The following PSMD1 variants were observed in gnomAD, a reference collection of about 807,000 sequenced individuals.
PSMD1 encodes 26S proteasome non-ATPase regulatory subunit 1.
In PSMD1, 18 loss-of-function variants were observed where a neutral mutation model predicts 119.0. The observed-to-expected ratio is 0.15, with a 90% CI of 0.10 to 0.22. The LOEUF (loss-of-function observed/expected upper bound fraction) is 0.22. Ranked by LOEUF, PSMD1 falls within the 10% of genes least tolerant of loss-of-function variation. The pLI is 1.00. For missense variants in PSMD1, 702 were observed against 1,158.5 expected, an observed-to-expected ratio of 0.61 and a Z score of 5.72; for synonymous variants, 374 against 396.6, an observed-to-expected ratio of 0.94 and a Z score of 0.68.
intron 16 of PSMD1, among the ~76,000 whole-genome samples, chr2:231,130,036 TAG>T (rs946119507): frequency 1.2e-4 from 18 of 152,232 alleles, no homozygotes; most frequent in African/African-American, 4.3e-4. Flanking sequence ...ATATTTTTAG[TAG>T]AGACGGGCTT....
chr2:231,106,849 A>G (rs891080892), intron 16 of PSMD1, among the ~76,000 whole-genome samples: 5 of 152,178 alleles, frequency 3.3e-5, no homozygotes, highest in African/African-American at 1.2e-4. Flanking sequence ...TTCCTGAAAC[A>G]ATTATGTATG....
intron 7 of PSMD1, among the ~76,000 whole-genome samples, chr2:231,075,231 CTG>C (rs1694132628): frequency 6.6e-6 from 1 of 152,124 alleles, no homozygotes; most frequent in African/African-American, 2.4e-5. Context: ...CTTTACCTGA[CTG>C]TGTTTTGTGA....
chr2:231,112,840 C>T (rs535229646), intron 16 of PSMD1, among the ~76,000 whole-genome samples: 2 of 152,230 alleles, frequency 1.3e-5, no homozygotes, highest in African/African-American at 4.8e-5. Flanking sequence ...GGTATGTTTT[C>T]TTTGCATCTC....
chr2:231,132,550 G>A (rs1324897655), intron 16 of PSMD1, among the ~76,000 whole-genome samples: 1 of 152,148 alleles, frequency 6.6e-6, no homozygotes, highest in Admixed American at 6.5e-5. Context: ...GCCAGTTTCT[G>A]GTTATGCATC....
At chr2:231,111,615 A>G (rs1695158795) in intron 16 of PSMD1, among the ~76,000 whole-genome samples, 1 of 152,184 alleles carries the variant, frequency 6.6e-6, no homozygotes, top group African/African-American at 2.4e-5. Flanking sequence ...AACTGAGCTT[A>G]TTGTCATCTG....
chr2:231,169,389 C>T (rs1696861173), intron 23 of PSMD1, among the ~76,000 whole-genome samples: 1 of 152,132 alleles, frequency 6.6e-6, no homozygotes, highest in Admixed American at 6.5e-5. Flanking sequence ...GACAGTGGCC[C>T]TATGCTCCAT....
chr2:231,170,443 T>C lies in PSMD1; in HGVS notation c.2716-123T>C. On this transcript the variant is annotated intron_variant, in intron 23 of 24. Coordinates refer to ENST00000308696, the MANE Select transcript of PSMD1 (RefSeq NM_002807.4). The surrounding 1 kb of genome is among the most constrained non-coding windows in gnomAD (Gnocchi z 4.1). ...TATCTTTATCCCAGTAAAGTTCTAC[T>C]CCAGTTTTTCACTTCCAAATCATTT... 1 of 1,057,398 alleles carries C rather than the reference T, an allele frequency of 9.5e-7. No homozygotes were observed. Among genetic ancestry groups the C allele is most frequent in the East Asian group, 2.6e-5 (1 of 38,254 alleles). 65.5% of individuals were successfully genotyped at this position (1,057,398 alleles called of 1,614,324 possible).
rs562248993 is a variant in PSMD1, at chr2:231,070,175, A to T, written c.654+7A>T. The T allele has an allele frequency of 4.3e-4, 661 of 1,522,714 alleles. 12 individuals are homozygous for T. The South Asian group carries it at 8.3e-3, about 19-fold the overall frequency. The allele number at this position is 1,522,714 out of a possible 1,614,324, so 94.3% of individuals were successfully genotyped here. A position where few individuals can be genotyped will look rare whatever the true frequency, so the allele number is the denominator to read the frequency against. On this transcript the variant is annotated splice_region_variant and intron_variant, in intron 6 of 24. Coordinates refer to ENST00000308696, the MANE Select transcript of PSMD1 (RefSeq NM_002807.4). The stretch of plus-strand genomic sequence containing the variant: ...TTTCATCAATGTTTGTCAGGTAATG[A>T]CATTAAATTATGTTTCATTACATTG...
intron 1 of PSMD1, 51 bp downstream of exon 1, chr2:231,057,092 G>C (rs781466572): frequency 1.9e-5 from 28 of 1,476,884 alleles, no homozygotes; most frequent in Middle Eastern, 4.9e-4. Flanking sequence ...CCGCCGCGCC[G>C]GCTTTTAGCT....
intron 11 of PSMD1, 55 bp from the exon 12 acceptor site, chr2:231,080,086 C>G: frequency 6.8e-7 from 1 of 1,472,100 alleles, no homozygotes; most frequent in South Asian, 1.3e-5. Flanking sequence ...AAAACATTGT[C>G]TTTTTTCTTC....
chr2:231,154,675 C>G (rs1696446867), intron 19 of PSMD1, among the ~76,000 whole-genome samples: 1 of 152,138 alleles, frequency 6.6e-6, no homozygotes, highest in Non-Finnish European at 1.5e-5. Context: ...CACTATGTTG[C>G]TCAGGCTTGT....
intron 16 of PSMD1, chr2:231,108,789 C>G (rs1405092357): frequency 1.2e-6 from 2 of 1,613,910 alleles, no homozygotes; most frequent in Admixed American, 3.3e-5. Flanking sequence ...ATATATCGGC[C>G]AAATGCATCC....
At chr2:231,086,324 T>TTC (rs1694439284) in intron 15 of PSMD1, among the ~76,000 whole-genome samples, 1 of 152,178 alleles carries the variant, frequency 6.6e-6, no homozygotes, top group African/African-American at 2.4e-5. Flanking sequence ...GGATTACAGG[T>TTC]GTGAGCCACT....
At chr2:231,137,737 T>A (rs1247460520) in intron 16 of PSMD1, among the ~76,000 whole-genome samples, 3 of 152,156 alleles carry the variant, frequency 2.0e-5, no homozygotes, top group African/African-American at 7.2e-5. Flanking sequence ...GCCTTCTTTA[T>A]GTCCATGAAT....
At chr2:231,092,384 A>G (rs1694617536) in intron 16 of PSMD1, among the ~76,000 whole-genome samples, 1 of 152,186 alleles carries the variant, frequency 6.6e-6, no homozygotes, top group Non-Finnish European at 1.5e-5. Context: ...CCATAAGGAA[A>G]ACATATGGAT....
At chr2:231,078,243 G>A (rs778739122) in intron 9 of PSMD1, among the ~76,000 whole-genome samples, 3 of 152,174 alleles carry the variant, frequency 2.0e-5, no homozygotes, top group Non-Finnish European at 2.9e-5. Flanking sequence ...ACTCCAGCCT[G>A]GGCAACCAAG....
intron 18 of PSMD1, among the ~76,000 whole-genome samples, chr2:231,150,729 A>C (rs1396132345): frequency 6.6e-6 from 1 of 152,170 alleles, no homozygotes; most frequent in Non-Finnish European, 1.5e-5. Context: ...TCCAAAATAC[A>C]TCTCACCTCA....
chr2:231,165,034 T>TATATATA (rs1696733488), intron 21 of PSMD1, 166 bp from the exon 22 acceptor site: 1 of 21,836 alleles, frequency 4.6e-5, no homozygotes, highest in Non-Finnish European at 7.6e-5. Flanking sequence ...TTATATATAT[T>TATATATA]TATATATATA....
intron 7 of PSMD1, among the ~76,000 whole-genome samples, chr2:231,074,215 C>T (rs756743113): frequency 6.6e-6 from 1 of 152,172 alleles, no homozygotes; most frequent in Non-Finnish European, 1.5e-5. Flanking sequence ...AAGCAATTCT[C>T]CTGCCTCAGC....
Sources: gnomAD v4.1 joint callset for allele counts (sites outside exome capture counted in the v4.1 genomes callset) on GRCh38, gnomAD v4.1.1 for gene constraint, Gnocchi (gnomAD v3.1) non-coding constraint, MANE v1.5 for transcripts, NCBI Gene and HGNC (gene_info 2026-07-23, HGNC 2026-07-21) for gene names.